The following HROB variants were observed in gnomAD, a reference collection of about 807,000 sequenced individuals.
The protein encoded by HROB is homologous recombination OB-fold protein.
HROB carries 44 observed loss-of-function variants against 61.0 expected under a neutral mutation model. The ratio of observed to expected loss-of-function variants is 0.72; its 90% CI spans 0.57 to 0.93. The LOEUF (loss-of-function observed/expected upper bound fraction) is 0.93, where lower values mean the gene tolerates loss of function less well. Ranked by LOEUF, HROB falls within the 40% of genes least tolerant of loss-of-function variation. HROB has a pLI of 0.00. For synonymous variants in HROB, 301 were observed against 310.4 expected, an observed-to-expected ratio of 0.97 and a Z score of 0.32; for missense variants, 716 against 796.2, an observed-to-expected ratio of 0.90 and a Z score of 1.21.
In HROB at chr17:44,145,270, G is replaced by A. The variant is rs201278031; in HGVS notation, c.54+17G>A. ...GAAGATGAGGTAGGGAAGTGTTGATGATCAGAGGTGGCAGACGAGGTCTTA... is the reference window on the plus strand; with the variant it reads ...GAAGATGAGGTAGGGAAGTGTTGATAATCAGAGGTGGCAGACGAGGTCTTA... On this transcript the variant is annotated intron_variant, in intron 2 of 9. Transcript: ENST00000585683. 2.5e-6 allele frequency: 4 copies of A among 1,613,472 alleles called. No homozygotes were observed. Among genetic ancestry groups the A allele is most frequent in the Non-Finnish European group, 3.4e-6 (4 of 1,179,526 alleles).
intron 7 of HROB, 80 bp downstream of exon 7, chr17:44,155,018 C>T: frequency 1.3e-6 from 2 of 1,494,594 alleles, no homozygotes; most frequent in Non-Finnish European, 1.8e-6. Context: ...TGGCTGCCTT[C>T]CTCTACAACA....
At chr17:44,161,131 A>G (rs1394914896) in intron 9 of HROB, among the ~76,000 whole-genome samples, 1 of 151,404 alleles carries the variant, frequency 6.6e-6, no homozygotes, top group Non-Finnish European at 1.5e-5. Context: ...TGAACCCAGG[A>G]GGCGGAGCTT....
intron 8 of HROB, among the ~76,000 whole-genome samples, chr17:44,156,737 C>T (rs1282296348): frequency 3.3e-5 from 5 of 151,454 alleles, no homozygotes; most frequent in African/African-American, 1.2e-4. Context: ...GTTCTCAGCT[C>T]ACTGCAACTT....
chr17:44,159,898 C>T (rs974860051), intron 9 of HROB, among the ~76,000 whole-genome samples: 1 of 152,202 alleles, frequency 6.6e-6, no homozygotes, highest in Non-Finnish European at 1.5e-5. Flanking sequence ...CACAGGGAGA[C>T]GTTGAAGCCT....
At position 44,143,674 on chromosome 17, in the gene HROB, G is replaced by A. The variant is rs141183269; in HGVS notation, c.3+1529G>A. Among the ~76,000 whole-genome samples the A allele has an allele frequency of 9.2e-5, 14 of 151,820 alleles. No homozygotes were observed. In the East Asian group the frequency reaches 2.7e-3, roughly 30 times the overall value. On this transcript the variant is annotated intron_variant, in intron 1 of 9. Transcript: ENST00000585683. ...GAAAAAAAAAAAAAGAAAATTAGCT[G>A]AGCACGGTGGTGCACACCTGTAGTC...
chr17:44,161,671 T>C (rs542218037), intron 9 of HROB, among the ~76,000 whole-genome samples, 200 bp from the exon 10 acceptor site: 1 of 152,158 alleles, frequency 6.6e-6, no homozygotes, highest in East Asian at 1.9e-4. Flanking sequence ...TTTTGTCATG[T>C]ACGGGTACAA....
Position 44,152,621 on chromosome 17 carries a change from T to C in HROB, c.1309-16T>C, listed in dbSNP as rs989492211. Reference sequence around the variant, plus strand: ...GACCTATTCATACAGGCTCCCCCTCTGCTCTGTGGTACCAGATTGTTGCTA... The same window carrying C: ...GACCTATTCATACAGGCTCCCCCTCCGCTCTGTGGTACCAGATTGTTGCTA... On this transcript the variant is annotated splice_polypyrimidine_tract_variant and intron_variant, in intron 4 of 9. Transcript: ENST00000585683. The C allele has an allele frequency of 1.9e-5, 30 of 1,613,350 alleles. No individual in the cohort carries two copies. Among genetic ancestry groups the C allele is most frequent in the Non-Finnish European group, 2.3e-5 (27 of 1,179,606 alleles).
In HROB at chr17:44,148,183, C is replaced by T; in HGVS notation, c.380C>T (p.Ala127Val). The change falls in exon 3 of 10, where the codon GCA (alanine) becomes GTA (valine). Residue 127 changes from alanine to valine, a missense_variant. Transcript: ENST00000585683. Reference sequence around the variant, plus strand: ...GTGACAGAAGTGCTCAGAGAGACAGCAAGACCTCAGTCCTCAGCCTTACAC... The same window carrying T: ...GTGACAGAAGTGCTCAGAGAGACAGTAAGACCTCAGTCCTCAGCCTTACAC... ...VTVTEVLRET[A>V]RPQSSALHPL... The T allele has an allele frequency of 6.2e-7, 1 of 1,614,188 alleles. No individual in the cohort carries two copies. The highest frequency in any genetic ancestry group is 8.5e-7 in the Non-Finnish European group (1 of 1,180,030).
chr17:44,142,306 A>T (rs535542560), intron 1 of HROB, among the ~76,000 whole-genome samples, 161 bp downstream of exon 1: 1 of 151,966 alleles, frequency 6.6e-6, no homozygotes, highest in Non-Finnish European at 1.5e-5. Context: ...AGGGCTTGTC[A>T]TGGACGCGCC....
In HROB at chr17:44,148,193, G is replaced by A; in HGVS notation, c.390G>A (p.Gln130=). ...TEVLRETARP[Q]SSALHPLLTF... The stretch of plus-strand genomic sequence containing the variant: ...TGCTCAGAGAGACAGCAAGACCTCA[G>A]TCCTCAGCCTTACACCCCCTACTCA... Residue 130 remains glutamine (Q), a synonymous_variant, in exon 3 of 10, where the codon CAG becomes CAA. Transcript: ENST00000585683. 6.2e-7 allele frequency: 1 copy of A among 1,614,176 alleles called. No individual in the cohort carries two copies. The highest frequency in any genetic ancestry group is 8.5e-7 in the Non-Finnish European group (1 of 1,180,030).
chr17:44,149,145 G>A (rs567375191), intron 3 of HROB, 118 bp downstream of exon 3: 122 of 1,037,200 alleles, frequency 1.2e-4, no homozygotes, highest in Non-Finnish European at 1.4e-4. Flanking sequence ...GTGCAGAGAG[G>A]CTTTTCAAAG....
chr17:44,158,704 G>C (rs1242878337), intron 9 of HROB, among the ~76,000 whole-genome samples: 1 of 151,246 alleles, frequency 6.6e-6, no homozygotes, highest in African/African-American at 2.4e-5. Flanking sequence ...GAAGTGCAGT[G>C]GTGCGATCTC....
chr17:44,151,045 G>T lies in HROB; in HGVS notation c.1308+1G>T. ...TGCTCTGGCTAAATTCCAGACAGAG[G>T]TAACTTATGCAAATGTTAACTTTCT... is the stretch of plus-strand genomic sequence containing the variant. On this transcript the variant is annotated splice_donor_variant, in intron 4 of 9. Transcript: ENST00000585683. LOFTEE classifies it high-confidence loss of function. 6.2e-7 allele frequency: 1 copy of T among 1,609,482 alleles called. No homozygotes were observed. The highest frequency in any genetic ancestry group is 8.5e-7 in the Non-Finnish European group (1 of 1,176,288).
intron 9 of HROB, among the ~76,000 whole-genome samples, chr17:44,160,305 C>T (rs1369438785): frequency 1.3e-5 from 2 of 152,204 alleles, no homozygotes; most frequent in Non-Finnish European, 2.9e-5. Flanking sequence ...CGGTGGCTCA[C>T]TCCTGTAATC....
intron 1 of HROB, among the ~76,000 whole-genome samples, chr17:44,143,395 G>A (rs545093519): frequency 6.6e-6 from 1 of 152,192 alleles, no homozygotes; most frequent in African/African-American, 2.4e-5. Context: ...TGTAATCCCA[G>A]CACTTTGGGA....
chr17:44,152,714 C>A lies in HROB; in HGVS notation c.1386C>A (p.Gly462=), dbSNP rs912098495. 4.3e-6 allele frequency: 7 copies of A among 1,614,180 alleles called. No individual in the cohort carries two copies. Among genetic ancestry groups the A allele is most frequent in the Non-Finnish European group, 5.1e-6 (6 of 1,180,024 alleles). Residue 462 remains glycine, a synonymous_variant, in exon 5 of 10, where the codon GGC becomes GGA. Coordinates refer to ENST00000585683, the MANE Select transcript of HROB (RefSeq NM_001171251.3). ...GPWLTMKSTL[G]LDERDPSCFL... ...GGCTGACCATGAAATCCACGCTAGG[C>A]CTGGATGAGAGAGACCCTAGCTGCT...
At chr17:44,159,990 A>G (rs540727283) in intron 9 of HROB, among the ~76,000 whole-genome samples, 2 of 152,310 alleles carry the variant, frequency 1.3e-5, no homozygotes, top group South Asian at 4.1e-4. Flanking sequence ...TCCCCCAAGG[A>G]GAGTTCCCTT....
At chr17:44,145,707 C>T (rs2053590523) in intron 2 of HROB, among the ~76,000 whole-genome samples, 1 of 152,208 alleles carries the variant, frequency 6.6e-6, no homozygotes, top group Admixed American at 6.5e-5. Flanking sequence ...GGATGCTCTT[C>T]TGCCTCAGAT....
rs2053632040 is a variant in HROB, at chr17:44,147,065, AAGAG to A, written c.55-790_55-787del. Among the ~76,000 whole-genome samples the A allele has an allele frequency of 2.9e-5, 4 of 139,146 alleles. No individual in the cohort carries two copies. The South Asian group carries it at 9.1e-4, about 32-fold the overall frequency. 91.3% of individuals were successfully genotyped at this position (139,146 alleles called of 152,430 possible). A position where few individuals can be genotyped will look rare whatever the true frequency, so the allele number is the denominator to read the frequency against. On this transcript the variant is annotated intron_variant, in intron 2 of 9. Coordinates refer to ENST00000585683, the MANE Select transcript of HROB (RefSeq NM_001171251.3). ...TGTGTGTGTGAGAGAGAGAGAGAGA[AAGAG>A]AGCACACGAGTGTGTATTGGGGATG...
Sources: allele counts gnomAD v4.1 joint callset (sites outside exome capture counted in the v4.1 genomes callset), GRCh38; gene constraint gnomAD v4.1.1; transcripts MANE v1.5; gene names NCBI Gene and HGNC (gene_info 2026-07-23, HGNC 2026-07-21).